RIC3: variants seen among roughly 807,000 people sequenced by gnomAD.
The protein encoded by RIC3 is RIC3 acetylcholine receptor chaperone.
A neutral mutation model predicts 27.3 loss-of-function variants in RIC3; 28 were observed. The observed-to-expected ratio is 1.02, with a 90% confidence interval of 0.76 to 1.41. The LOEUF is 1.41. RIC3 is among the 40% of genes most tolerant of loss of function. RIC3 has a pLI of 0.00. For synonymous variants in RIC3, 184 were observed against 160.4 expected (o/e 1.15, Z -1.11); for missense variants, 501 against 444.7 (o/e 1.13, Z -1.14).
chr11:8,137,177 AC>A (rs1297379698), intron 4 of RIC3, among the ~76,000 whole-genome samples, 200 bp downstream of exon 4: 2 of 152,208 alleles, frequency 1.3e-5, no homozygotes, highest in East Asian at 3.9e-4. Flanking sequence ...GGTGTGCACC[AC>A]CACACCTGGC....
At chr11:8,147,821 T>G (rs1260980379) in intron 1 of RIC3, among the ~76,000 whole-genome samples, 1 of 149,834 alleles carries the variant, frequency 6.7e-6, no homozygotes, top group Non-Finnish European at 1.5e-5. Context: ...TCCGACTCCC[T>G]GGTTCAAGTG....
chr11:8,101,856 G>C, downstream of RIC3: 2 of 482,846 alleles, frequency 4.1e-6, no homozygotes, highest in South Asian at 3.7e-5. Context: ...TTCTTTCCAT[G>C]CCACGAGATC....
the RIC3 span, chr11:8,095,498 G>A: frequency 6.2e-7 from 1 of 1,606,960 alleles, no homozygotes; most frequent in Non-Finnish European, 8.5e-7. Flanking sequence ...TGGCCTGCAG[G>A]CACCAGCGGG....
the RIC3 span, among the ~76,000 whole-genome samples, chr11:8,095,982 G>A: frequency 5.3e-5 from 8 of 152,202 alleles, no homozygotes; most frequent in Admixed American, 2.0e-4. Context: ...TAGATCCTCC[G>A]TGGAAACCTG....
intron 5 of RIC3, among the ~76,000 whole-genome samples, chr11:8,115,451 G>A (rs1471020414): frequency 6.6e-6 from 1 of 152,106 alleles, no homozygotes; most frequent in Non-Finnish European, 1.5e-5. Context: ...AAATGCTCAA[G>A]GGTGTTCTTC....
chr11:8,135,625 T>C (rs973762586), intron 4 of RIC3: 2 of 152,334 alleles, frequency 1.3e-5, no homozygotes, highest in African/African-American at 4.8e-5. Flanking sequence ...GCATGGAATG[T>C]TCTTCCATTT....
intron 4 of RIC3, among the ~76,000 whole-genome samples, chr11:8,133,628 C>G (rs1948006255): frequency 6.6e-6 from 1 of 152,164 alleles, no homozygotes; most frequent in African/African-American, 2.4e-5. Context: ...AACTCAGCAT[C>G]TTATAAAAAG....
At chr11:8,095,613 TGGG>T in the RIC3 span, 1 of 1,612,062 alleles carries the variant, frequency 6.2e-7, no homozygotes, top group Non-Finnish European at 8.5e-7. Flanking sequence ...CGGCAGCTGG[TGGG>T]GGCGAACGGC....
chr11:8,096,153 C>A, the RIC3 span, among the ~76,000 whole-genome samples: 2 of 152,158 alleles, frequency 1.3e-5, no homozygotes, highest in African/African-American at 4.8e-5. Flanking sequence ...ATGGCATTCC[C>A]AGGGAATGGC....
At chr11:8,153,276 G>A (rs570825043) in intron 1 of RIC3, 93 of 350,408 alleles carry the variant, frequency 2.7e-4, no homozygotes, top group African/African-American at 1.9e-3. Flanking sequence ...CAGACACTAT[G>A]TCAGGCTCTG....
intron 1 of RIC3, among the ~76,000 whole-genome samples, chr11:8,147,790 C>T (rs566959065): frequency 4.1e-5 from 6 of 147,388 alleles, no homozygotes; most frequent in African/African-American, 1.3e-4. Flanking sequence ...TGCAGTGGCG[C>T]GATCTCGGCT....
At chr11:8,145,532 T>C (rs1949591654) in intron 1 of RIC3, among the ~76,000 whole-genome samples, 1 of 151,846 alleles carries the variant, frequency 6.6e-6, no homozygotes, top group African/African-American at 2.4e-5. Context: ...TAGGTATACA[T>C]CTCTTTCCAA....
intron 5 of RIC3, among the ~76,000 whole-genome samples, chr11:8,113,893 G>C (rs1299866336): frequency 6.6e-6 from 1 of 152,138 alleles, no homozygotes; most frequent in Non-Finnish European, 1.5e-5. Flanking sequence ...TGAAGACCCA[G>C]GCTCAAGGCC....
the RIC3 span, chr11:8,097,083 C>T: frequency 5.5e-6 from 5 of 916,340 alleles, no homozygotes; most frequent in South Asian, 6.6e-5. Context: ...AGCTTCTGAC[C>T]CCAGGCCCAG....
the RIC3 span, among the ~76,000 whole-genome samples, chr11:8,094,822 G>T: frequency 6.6e-6 from 1 of 152,214 alleles, no homozygotes; most frequent in Non-Finnish European, 1.5e-5. Context: ...ACTGCGTCAC[G>T]GTTGGACAGT....
At chr11:8,113,154 C>CTGG (rs1945457356) in intron 5 of RIC3, among the ~76,000 whole-genome samples, 1 of 152,206 alleles carries the variant, frequency 6.6e-6, no homozygotes, top group Non-Finnish European at 1.5e-5. Context: ...CCTCAGCCAC[C>CTGG]ATGGTCAAGG....
chr11:8,154,336 T>C (rs891987813), intron 1 of RIC3, among the ~76,000 whole-genome samples: 2 of 152,224 alleles, frequency 1.3e-5, no homozygotes, highest in Non-Finnish European at 2.9e-5. Flanking sequence ...TAAGCATCTA[T>C]AAACAACATA....
At chr11:8,147,368 T>C (rs563157618) in intron 1 of RIC3, among the ~76,000 whole-genome samples, 1 of 151,974 alleles carries the variant, frequency 6.6e-6, no homozygotes, top group South Asian at 2.1e-4. Context: ...TTAACTGAGA[T>C]CTGTCTCAAA....
rs1180710436 is a variant in RIC3, at chr11:8,107,003, C to T, written c.*3695G>A. On this transcript the variant is annotated 3_prime_UTR_variant, in exon 6 of 6. Coordinates refer to ENST00000309737, the MANE Select transcript of RIC3 (RefSeq NM_001206671.4). ...ACAGCATCTTATTTAATCCAAACAGCCCTGTAAATAGAGCATTATTCCCAA... is the reference window on the plus strand; with the variant it reads ...ACAGCATCTTATTTAATCCAAACAGTCCTGTAAATAGAGCATTATTCCCAA... 1 of 152,102 alleles carries T rather than the reference C, an allele frequency of 6.6e-6. No individual in the cohort carries two copies. The highest frequency in any genetic ancestry group is 2.4e-5 in the African/African-American group (1 of 41,388). The allele number at this position is 152,102 out of a possible 1,614,324, so 9.4% of individuals were successfully genotyped here. A position where few individuals can be genotyped will look rare whatever the true frequency, so the allele number is the denominator to read the frequency against.
Sources: allele counts gnomAD v4.1 joint callset (sites outside exome capture counted in the v4.1 genomes callset), GRCh38; gene constraint gnomAD v4.1.1; transcripts MANE v1.5; gene names NCBI Gene and HGNC (gene_info 2026-07-23, HGNC 2026-07-21).